The following KCNAB1 variants were observed in gnomAD, a reference collection of about 807,000 sequenced individuals.
KCNAB1 encodes the protein voltage-gated potassium channel subunit beta-1.
In KCNAB1, 35 loss-of-function variants were observed where a neutral mutation model predicts 64.6. The ratio of observed to expected loss-of-function variants is 0.54; its 90% CI spans 0.41 to 0.72. The LOEUF (loss-of-function observed/expected upper bound fraction) is 0.72, where lower values mean the gene tolerates loss of function less well. Ranked by LOEUF, KCNAB1 falls within the 30% of genes least tolerant of loss-of-function variation. The probability of loss-of-function intolerance (pLI) is 0.00; values close to 1 mark genes in which losing one functional copy is unlikely to be tolerated. For missense variants in KCNAB1, 401 were observed against 512.9 expected, an observed-to-expected ratio of 0.78 and a Z score of 2.11; for synonymous variants, 177 against 183.8, an observed-to-expected ratio of 0.96 and a Z score of 0.30.
At chr3:156,400,739 G>T (rs1279045528) in intron 1 of KCNAB1, among the ~76,000 whole-genome samples, 1 of 152,026 alleles carries the variant, frequency 6.6e-6, no homozygotes, top group Non-Finnish European at 1.5e-5. Context: ...TACTTCTGAC[G>T]TTGTCCCCAC....
rs546834690 is a variant in KCNAB1, at chr3:156,240,692, T to C, written c.275+119806T>C. On this transcript the variant is annotated intron_variant, in intron 1 of 13. Coordinates refer to ENST00000490337, the MANE Select transcript of KCNAB1 (RefSeq NM_172160.3). The stretch of plus-strand genomic sequence containing the variant: ...TCCTGGTTTAATTATGCTCCAAATT[T>C]TGGTTAAGTATATACTCAACGTTAA... Among the ~76,000 whole-genome samples, 10 of 152,354 alleles carry C rather than the reference T, an allele frequency of 6.6e-5. No homozygotes were observed. In the South Asian group the frequency reaches 1.2e-3, roughly 19 times the overall value.
At chr3:156,416,423 T>C (rs1466338664) in intron 1 of KCNAB1, among the ~76,000 whole-genome samples, 1 of 152,208 alleles carries the variant, frequency 6.6e-6, no homozygotes, top group East Asian at 1.9e-4. Context: ...GCACATGCTG[T>C]TCACTCTGTT....
chr3:156,167,111 T>C (rs913190035), intron 1 of KCNAB1, among the ~76,000 whole-genome samples: 2 of 152,204 alleles, frequency 1.3e-5, no homozygotes, highest in Non-Finnish European at 2.9e-5. Flanking sequence ...ATCCCCTTTC[T>C]GCACCACCAT....
At chr3:156,524,488 C>A (rs999637000) in intron 12 of KCNAB1, among the ~76,000 whole-genome samples, 3 of 152,130 alleles carry the variant, frequency 2.0e-5, no homozygotes, top group African/African-American at 7.2e-5. Context: ...TGGCTCATGC[C>A]TGTAATCCCA....
At chr3:156,246,213 T>A (rs543221258) in intron 1 of KCNAB1, among the ~76,000 whole-genome samples, 1 of 152,328 alleles carries the variant, frequency 6.6e-6, no homozygotes, top group Admixed American at 6.5e-5. Flanking sequence ...TCAAATTTAA[T>A]GCAGTCATGG....
At chr3:156,313,975 C>G (rs1325653292) in intron 1 of KCNAB1, among the ~76,000 whole-genome samples, 1 of 152,200 alleles carries the variant, frequency 6.6e-6, no homozygotes, top group Non-Finnish European at 1.5e-5. Context: ...CCTTCTTTCC[C>G]CATCTGGTTA....
chr3:156,418,986 G>A (rs1294620332), intron 1 of KCNAB1, among the ~76,000 whole-genome samples: 3 of 152,124 alleles, frequency 2.0e-5, no homozygotes, highest in Admixed American at 1.3e-4. Context: ...GCCATCTTGG[G>A]CGTTTAAACA....
At chr3:156,472,885 T>C (rs1358277918) in intron 7 of KCNAB1, among the ~76,000 whole-genome samples, 1 of 152,102 alleles carries the variant, frequency 6.6e-6, no homozygotes, top group Non-Finnish European at 1.5e-5. Context: ...GAATAATAAA[T>C]GACAAAATCA....
At chr3:156,312,386 C>G (rs1721967677) in intron 1 of KCNAB1, among the ~76,000 whole-genome samples, 1 of 152,130 alleles carries the variant, frequency 6.6e-6, no homozygotes, top group Admixed American at 6.5e-5. Context: ...TTTTCATGTG[C>G]TAAAACCAAC....
At chr3:156,242,525 T>C (rs1170766463) in intron 1 of KCNAB1, among the ~76,000 whole-genome samples, 1 of 152,262 alleles carries the variant, frequency 6.6e-6, no homozygotes, top group African/African-American at 2.4e-5. Flanking sequence ...TTGCTTTGTA[T>C]CTCTCTCTTT....
chr3:156,351,817 C>G (rs1460894110), intron 1 of KCNAB1, among the ~76,000 whole-genome samples: 1 of 152,228 alleles, frequency 6.6e-6, no homozygotes, highest in Admixed American at 6.5e-5. Flanking sequence ...CTGCCTTCCT[C>G]TGGTCTCTCT....
intron 1 of KCNAB1, among the ~76,000 whole-genome samples, chr3:156,381,905 T>C (rs1372128986): frequency 2.6e-5 from 4 of 152,362 alleles, no homozygotes; most frequent in Middle Eastern, 3.4e-3. Context: ...CATTTCATTA[T>C]ATTTACTCTT....
chr3:156,433,788 T>G (rs1716394671), intron 2 of KCNAB1, among the ~76,000 whole-genome samples: 1 of 152,212 alleles, frequency 6.6e-6, no homozygotes, highest in Non-Finnish European at 1.5e-5. Flanking sequence ...TTGGCTTGAT[T>G]GTTGCTTTCC....
intron 1 of KCNAB1, among the ~76,000 whole-genome samples, chr3:156,376,067 G>T (rs567626831): frequency 6.6e-6 from 1 of 152,178 alleles, no homozygotes; most frequent in Non-Finnish European, 1.5e-5. Context: ...CGATCCACCC[G>T]CCTTGGCATC....
intron 1 of KCNAB1, among the ~76,000 whole-genome samples, chr3:156,211,558 C>T (rs923615154): frequency 6.6e-6 from 1 of 152,188 alleles, no homozygotes; most frequent in Admixed American, 6.5e-5. Flanking sequence ...TGCCCACACA[C>T]AGGATGATCA....
chr3:156,310,735 C>T (rs1231919919), intron 1 of KCNAB1, among the ~76,000 whole-genome samples: 2 of 152,088 alleles, frequency 1.3e-5, no homozygotes, highest in East Asian at 1.9e-4. Flanking sequence ...ACTCAGGAGG[C>T]GGAGCTTGCA....
chr3:156,284,120 G>A (rs1719925019), intron 1 of KCNAB1, among the ~76,000 whole-genome samples: 1 of 152,140 alleles, frequency 6.6e-6, no homozygotes, highest in Non-Finnish European at 1.5e-5. Context: ...GGTCTTTGAT[G>A]ATGGTGATGT....
At chr3:156,475,944 T>A (rs1352064505) in intron 8 of KCNAB1, among the ~76,000 whole-genome samples, 1 of 152,196 alleles carries the variant, frequency 6.6e-6, no homozygotes, top group Non-Finnish European at 1.5e-5. Context: ...TACAGTTTTC[T>A]TCTTTCTTGA....
intron 2 of KCNAB1, among the ~76,000 whole-genome samples, chr3:156,442,557 C>T (rs1717078886): frequency 6.6e-6 from 1 of 152,178 alleles, no homozygotes; most frequent in Non-Finnish European, 1.5e-5. Flanking sequence ...ACCTGTACAT[C>T]TCTATAAGCA....
Sources: allele counts gnomAD v4.1 joint callset (sites outside exome capture counted in the v4.1 genomes callset), GRCh38; gene constraint gnomAD v4.1.1; transcripts MANE v1.5; gene names NCBI Gene and HGNC (gene_info 2026-07-23, HGNC 2026-07-21).